The following SSH1 variants were observed in gnomAD, a reference collection of about 807,000 sequenced individuals.
The protein encoded by SSH1 is protein phosphatase Slingshot homolog 1.
SSH1 carries 43 observed loss-of-function variants against 79.7 expected under a neutral mutation model. That is an observed-to-expected ratio of 0.54 (90% confidence interval 0.42 to 0.70). The LOEUF (loss-of-function observed/expected upper bound fraction) is 0.70, where lower values mean the gene tolerates loss of function less well. Ranked by LOEUF, SSH1 falls within the 30% of genes least tolerant of loss-of-function variation. SSH1 has a pLI of 0.00. For missense variants in SSH1, 1,206 were observed against 1,358.8 expected (o/e 0.89, Z 1.77); for synonymous variants, 599 against 538.3 (o/e 1.11, Z -1.56).
chr12:108,846,310 A>C (rs2038898787), intron 2 of SSH1, among the ~76,000 whole-genome samples: 1 of 151,766 alleles, frequency 6.6e-6, no homozygotes, highest in Non-Finnish European at 1.5e-5. Flanking sequence ...AAAAAAAAAA[A>C]CTTCACTCCT....
At chr12:108,817,427 T>G in intron 4 of SSH1, 1 of 395,090 alleles carries the variant, frequency 2.5e-6, no homozygotes, top group Non-Finnish European at 4.9e-6. Context: ...ATACAAAAAT[T>G]AGCTGGGCAT....
chr12:108,825,397 A>G (rs2038273890), intron 2 of SSH1, among the ~76,000 whole-genome samples: 2 of 152,252 alleles, frequency 1.3e-5, no homozygotes. Flanking sequence ...AAAATGCCAC[A>G]GGAACTAGCA....
At chr12:108,835,099 T>C (rs1020854905) in intron 2 of SSH1, among the ~76,000 whole-genome samples, 2 of 152,274 alleles carry the variant, frequency 1.3e-5, no homozygotes, top group South Asian at 2.1e-4. Context: ...TCACCTTGAG[T>C]GTCTGGAGAG....
intron 7 of SSH1, among the ~76,000 whole-genome samples, chr12:108,809,177 G>A (rs899581790): frequency 6.7e-5 from 10 of 148,880 alleles, no homozygotes; most frequent in South Asian, 4.4e-4. Flanking sequence ...GGCCAGGTAC[G>A]GTGGCTCACG....
At chr12:108,816,951 C>G in intron 5 of SSH1, 87 bp downstream of exon 5, 1 of 1,598,940 alleles carries the variant, frequency 6.3e-7, no homozygotes, top group African/African-American at 1.3e-5. Context: ...TCTCCCACCT[C>G]TGATGGATAT....
intron 10 of SSH1, among the ~76,000 whole-genome samples, chr12:108,803,270 G>C (rs935621561): frequency 6.6e-6 from 1 of 151,426 alleles, no homozygotes; most frequent in Non-Finnish European, 1.5e-5. Flanking sequence ...TCTATTTTCA[G>C]ACTTTCTGCA....
At chr12:108,813,157 T>C (rs2037704023) in intron 5 of SSH1, among the ~76,000 whole-genome samples, 1 of 151,938 alleles carries the variant, frequency 6.6e-6, no homozygotes, top group Non-Finnish European at 1.5e-5. Flanking sequence ...AAGGGATACA[T>C]AGTAAGGGAA....
rs747849464 is a variant in SSH1 at position 108,788,413 on chromosome 12, T to C, written c.2725A>G (p.Ser909Gly). Residue 909 changes from serine to glycine, a missense_variant, in exon 15 of 15, where the codon AGT (serine) becomes GGT (glycine). By Grantham distance (56) the Ser-to-Gly change is moderately conservative. Coordinates refer to ENST00000326495, the MANE Select transcript of SSH1 (RefSeq NM_018984.4). ...TTCAGAAAGTCTTTTGAGAAACTAC[T>C]GGTGTGGTCCAGGCGGTAGAAGAAA... ...PPFFYRLDHT[S>G]SFSKDFLKTI... is the part of the protein sequence containing the mutation. 2.7e-5 allele frequency: 44 copies of C among 1,607,442 alleles called. 1 individual carries two copies. In the South Asian group the frequency reaches 4.0e-4, roughly 15 times the overall value.
intron 4 of SSH1, 31 bp from the exon 5 acceptor site, chr12:108,817,190 CTGCCTTTGGAGGTGG>C (rs771836947): frequency 1.2e-5 from 19 of 1,611,788 alleles, no homozygotes; most frequent in Non-Finnish European, 1.6e-5. Flanking sequence ...TCTCACTAAC[CTGCCTTTGGAGGTGG>C]TGCCTCCCTC....
Position 108,787,791 on chromosome 12 carries a change from A to G in SSH1, c.*197T>C. 1.4e-6 allele frequency: 1 copy of G among 703,182 alleles called. No individual in the cohort carries two copies. Among genetic ancestry groups the G allele is most frequent in the African/African-American group, 1.8e-5 (1 of 55,884 alleles). The allele number at this position is 703,182 out of a possible 1,614,324, so 43.6% of individuals were successfully genotyped here. ...GCTCCTGGTTCTCCCAGGCCACACG[A>G]CTGACAGCTCCCCTTCTTGTGCTGC... On this transcript the variant is annotated 3_prime_UTR_variant, in exon 15 of 15. Coordinates refer to ENST00000326495, the MANE Select transcript of SSH1 (RefSeq NM_018984.4).
Position 108,782,139 on chromosome 12 carries a change from A to G in SSH1, c.*5849T>C, listed in dbSNP as rs1224968934. The stretch of plus-strand genomic sequence containing the variant: ...GAGAGCCAGACCCAGTCTCAAAAAA[A>G]AAAAAAAAAAAATTAAAAAAAAAAA... On this transcript the variant is annotated 3_prime_UTR_variant, in exon 15 of 15. Transcript: ENST00000326495. 2 of 151,084 alleles carry G rather than the reference A, an allele frequency of 1.3e-5. No individual in the cohort carries two copies. Among genetic ancestry groups the G allele is most frequent in the Admixed American group, 6.6e-5 (1 of 15,170 alleles). 9.4% of individuals were successfully genotyped at this position (151,084 alleles called of 1,614,324 possible). A position where few individuals can be genotyped will look rare whatever the true frequency, so the allele number is the denominator to read the frequency against.
chr12:108,833,153 CTT>C (rs763525533), intron 2 of SSH1, among the ~76,000 whole-genome samples: 1 of 143,640 alleles, frequency 7.0e-6, no homozygotes, highest in African/African-American at 2.5e-5. Context: ...CAAAAGCAAG[CTT>C]TTTTTTTTTT....
At chr12:108,801,076 CTA>C in intron 11 of SSH1, 150 bp from the exon 12 acceptor site, 1 of 757,370 alleles carries the variant, frequency 1.3e-6, no homozygotes, top group Non-Finnish European at 2.1e-6. Context: ...TCCTTAATAG[CTA>C]TGTTTTTTGG....
chr12:108,820,645 A>G (rs140480407), intron 3 of SSH1, among the ~76,000 whole-genome samples: 3 of 152,356 alleles, frequency 2.0e-5, no homozygotes, highest in African/African-American at 7.2e-5. Flanking sequence ...TAAGCCCTAG[A>G]AAGGGTCTCA....
intron 14 of SSH1, among the ~76,000 whole-genome samples, chr12:108,790,881 C>T (rs979308847): frequency 2.6e-5 from 4 of 152,184 alleles, no homozygotes; most frequent in African/African-American, 9.7e-5. Context: ...GGAGACCAGG[C>T]TGCACGGCCA....
At chr12:108,822,931 A>G (rs1354033645) in intron 3 of SSH1, among the ~76,000 whole-genome samples, 3 of 152,240 alleles carry the variant, frequency 2.0e-5, no homozygotes, top group Non-Finnish European at 4.4e-5. Context: ...ACATCTGGCT[A>G]TAATTCATTT....
At position 108,800,839 on chromosome 12, in the gene SSH1, T is replaced by C. The variant is rs2036966837; in HGVS notation, c.1089A>G (p.Glu363=). The C allele has an allele frequency of 3.1e-6, 5 of 1,614,158 alleles. No homozygotes were observed. Among genetic ancestry groups the C allele is most frequent in the Non-Finnish European group, 4.2e-6 (5 of 1,179,998 alleles). ...AGTGGGCGAGGAGGTCTGTGGTCTC[T>C]TCATCGTAGACTCGGATGTTATGAT... ...FAYHNIRVYD[E]ETTDLLAHWN... Residue 363 remains glutamate (E), a synonymous_variant, in exon 12 of 15, where the codon GAA becomes GAG. Coordinates refer to ENST00000326495, the MANE Select transcript of SSH1 (RefSeq NM_018984.4).
intron 5 of SSH1, 94 bp from the exon 6 acceptor site, chr12:108,811,422 G>A (rs1283662785): frequency 9.0e-7 from 1 of 1,112,904 alleles, no homozygotes; most frequent in Non-Finnish European, 1.4e-6. Context: ...ACGGGCTGTT[G>A]GACGTACGTG....
At chr12:108,819,269 A>T (rs530236665) in intron 3 of SSH1, among the ~76,000 whole-genome samples, 1 of 152,180 alleles carries the variant, frequency 6.6e-6, no homozygotes, top group Non-Finnish European at 1.5e-5. Context: ...GTAACCAGGG[A>T]CGGCTTCTGA....
Sources: allele counts gnomAD v4.1 joint callset (sites outside exome capture counted in the v4.1 genomes callset), GRCh38; gene constraint gnomAD v4.1.1; transcripts MANE v1.5; gene names NCBI Gene and HGNC (gene_info 2026-07-23, HGNC 2026-07-21).